Variants in THADA observed in about 807,000 individuals in gnomAD.
THADA encodes the protein tRNA (32-2'-O)-methyltransferase regulator THADA.
Under a neutral mutation model 219.8 loss-of-function variants are expected in THADA, and 213 were observed. That is an observed-to-expected ratio of 0.97 (90% confidence interval 0.87 to 1.09). The LOEUF (loss-of-function observed/expected upper bound fraction) is 1.09. Ranked by LOEUF, THADA falls within the 50% of genes least tolerant of loss-of-function variation. THADA has a pLI of 0.00. For synonymous variants in THADA, 1,018 were observed against 828.9 expected (o/e 1.23, Z -3.92); for missense variants, 2,956 against 2,311.3 (o/e 1.28, Z -5.72).
chr2:43,531,712 G>T (rs1049710149), intron 21 of THADA, among the ~76,000 whole-genome samples: 6 of 152,032 alleles, frequency 3.9e-5, no homozygotes, highest in African/African-American at 1.5e-4. Flanking sequence ...GAAAACCTCT[G>T]AAAACTCCAA....
chr2:43,521,675 A>T (rs1247141043), intron 22 of THADA, among the ~76,000 whole-genome samples: 7 of 152,216 alleles, frequency 4.6e-5, no homozygotes, highest in Non-Finnish European at 7.3e-5. Context: ...AGGCCTTTGT[A>T]TTGTCTTGAG....
intron 20 of THADA, among the ~76,000 whole-genome samples, chr2:43,547,886 A>T (rs1219404495): frequency 6.6e-6 from 1 of 152,236 alleles, no homozygotes; most frequent in African/African-American, 2.4e-5. Context: ...TTCTGCGTCC[A>T]GCTTTGTTCC....
intron 36 of THADA, among the ~76,000 whole-genome samples, chr2:43,257,107 A>AG (rs990933650): frequency 2.6e-5 from 4 of 151,980 alleles, no homozygotes; most frequent in Non-Finnish European, 4.4e-5. Context: ...GTGGGTGGAG[A>AG]GGGGGGATGG....
chr2:43,343,653 T>G (rs1667303831), intron 30 of THADA: 1 of 152,604 alleles, frequency 6.6e-6, no homozygotes, highest in Non-Finnish European at 1.5e-5. Flanking sequence ...GCCTTGCTTA[T>G]TCAAGCTACC....
intron 22 of THADA, among the ~76,000 whole-genome samples, chr2:43,515,970 A>G (rs1284586865): frequency 1.3e-5 from 2 of 152,136 alleles, no homozygotes; most frequent in African/African-American, 2.4e-5. Context: ...GCCCATCCTA[A>G]TAAAAGAATA....
chr2:43,252,572 C>T (rs1267772099), intron 36 of THADA, among the ~76,000 whole-genome samples: 1 of 152,120 alleles, frequency 6.6e-6, no homozygotes, highest in Non-Finnish European at 1.5e-5. Context: ...ATTCCTAACA[C>T]GACTGTTTAA....
rs577557747 is a variant in THADA, at chr2:43,502,502, T to G, written c.3621+3120A>C. Among the ~76,000 whole-genome samples the G allele has an allele frequency of 2.7e-5, 4 of 150,802 alleles. No homozygotes were observed. In the East Asian group the frequency reaches 7.8e-4, roughly 30 times the overall value. ...CAGGAGGCTGAGGCAGGAGAATCGC[T>G]TGAACCTGGAAGGCAGAGGTTGCAG... On this transcript the variant is annotated intron_variant, in intron 24 of 37. Coordinates refer to ENST00000405975, the MANE Select transcript of THADA (RefSeq NM_022065.5).
rs1233146398 is a variant in THADA at position 43,514,667 on chromosome 2, A to AT, written c.3375-5888dup. 3.1e-3 allele frequency among the ~76,000 whole-genome samples: 246 copies of AT among 79,284 alleles called. 42 individuals carry two copies. Among genetic ancestry groups the AT allele is most frequent in the African/African-American group, 0.011 (176 of 15,800 alleles). The allele number at this position is 79,284 out of a possible 152,430, so 52.0% of individuals were successfully genotyped here. A position where few individuals can be genotyped will look rare whatever the true frequency, so the allele number is the denominator to read the frequency against. On this transcript the variant is annotated intron_variant, in intron 22 of 37. Coordinates refer to ENST00000405975, the MANE Select transcript of THADA (RefSeq NM_022065.5). ...TATAATATATATATTGTATATAATA[A>AT]TATATAATATATTATATTATATATA...
At chr2:43,529,052 C>G (rs1693536954) in intron 21 of THADA, among the ~76,000 whole-genome samples, 1 of 152,064 alleles carries the variant, frequency 6.6e-6, no homozygotes, top group Non-Finnish European at 1.5e-5. Flanking sequence ...CTAGGCTTCA[C>G]TTCAAGACAG....
chr2:43,571,239 G>C (rs1699261450), intron 13 of THADA, among the ~76,000 whole-genome samples: 2 of 149,918 alleles, frequency 1.3e-5, no homozygotes, highest in African/African-American at 2.5e-5. Flanking sequence ...CTGGCTGACA[G>C]AGCAAGACTA....
At chr2:43,363,295 CAT>C (rs1477243463) in intron 29 of THADA, among the ~76,000 whole-genome samples, 1 of 152,242 alleles carries the variant, frequency 6.6e-6, no homozygotes, top group African/African-American at 2.4e-5. Context: ...ACCACAAACA[CAT>C]GAGTAATGCA....
intron 20 of THADA, among the ~76,000 whole-genome samples, chr2:43,544,258 C>T (rs6544671): frequency 0.61 from 92,546 of 152,022 alleles, 29,712 homozygotes; most frequent in African/African-American, 0.8. Flanking sequence ...ACCAGTACCA[C>T]GCTGTTTTGG....
intron 25 of THADA, among the ~76,000 whole-genome samples, chr2:43,489,434 G>A (rs1687331498): frequency 6.6e-6 from 1 of 151,914 alleles, no homozygotes; most frequent in African/African-American, 2.4e-5. Flanking sequence ...TGTACCTTAG[G>A]TGTCATATCT....
intron 24 of THADA, among the ~76,000 whole-genome samples, chr2:43,500,698 C>T (rs1348962915): frequency 6.6e-6 from 1 of 152,028 alleles, no homozygotes; most frequent in African/African-American, 2.4e-5. Context: ...CTTTCTATAC[C>T]AAACTTTACT....
Position 43,428,157 on chromosome 2 carries a change from G to T in THADA, c.4001C>A (p.Pro1334Gln), listed in dbSNP as rs780951604. The T allele has an allele frequency of 6.2e-7, 1 of 1,610,460 alleles. No homozygotes were observed. Among genetic ancestry groups the T allele is most frequent in the Admixed American group, 1.7e-5 (1 of 59,798 alleles). Residue 1334 changes from proline to glutamine, a missense_variant, in exon 28 of 38, where the codon CCG (proline) becomes CAG (glutamine). Coordinates refer to ENST00000405975, the MANE Select transcript of THADA (RefSeq NM_022065.5). ...LLVLERLYAS[P>Q]MDGTSSALSM... is the part of the protein sequence containing the mutation. ...GAGAGCAGAAGAAGTACCATCCATCGGGGAAGCGTAGAGTCTCTCCAACAC... is the reference window on the plus strand; with the variant it reads ...GAGAGCAGAAGAAGTACCATCCATCTGGGAAGCGTAGAGTCTCTCCAACAC...
chr2:43,246,837 A>G (rs1021328693), intron 36 of THADA, among the ~76,000 whole-genome samples: 3 of 152,168 alleles, frequency 2.0e-5, no homozygotes, highest in African/African-American at 7.2e-5. Flanking sequence ...ACATTTCCCA[A>G]AGGCATGGGA....
At chr2:43,460,377 G>A (rs183060969) in intron 26 of THADA, among the ~76,000 whole-genome samples, 1 of 151,780 alleles carries the variant, frequency 6.6e-6, no homozygotes, top group Non-Finnish European at 1.5e-5. Context: ...GACTGTGACT[G>A]TAACACTATT....
chr2:43,429,845 G>T (rs970074921), intron 27 of THADA, among the ~76,000 whole-genome samples: 4 of 151,602 alleles, frequency 2.6e-5, no homozygotes, highest in African/African-American at 7.3e-5. Flanking sequence ...TTACAAAAAA[G>T]CACTTTAATA....
At chr2:43,528,784 T>A (rs1381407647) in intron 21 of THADA, among the ~76,000 whole-genome samples, 1 of 152,204 alleles carries the variant, frequency 6.6e-6, no homozygotes, top group African/African-American at 2.4e-5. Context: ...TTTTTCCTTC[T>A]TTTAAAATTT....
Sources: gnomAD v4.1 joint callset for allele counts (sites outside exome capture counted in the v4.1 genomes callset) on GRCh38, gnomAD v4.1.1 for gene constraint, MANE v1.5 for transcripts, NCBI Gene and HGNC (gene_info 2026-07-23, HGNC 2026-07-21) for gene names.